RB1CC1: variants seen among roughly 807,000 people sequenced by gnomAD.
RB1CC1 encodes the protein RB1 inducible coiled-coil 1, also known as RB1-inducible coiled-coil protein 1.
In RB1CC1, 46 loss-of-function variants were observed where a neutral mutation model predicts 177.5. The observed-to-expected ratio is 0.26, with a 90% CI of 0.20 to 0.33. RB1CC1 has a LOEUF of 0.33. Among genes scored for constraint, RB1CC1 ranks in the 10% least tolerant of loss-of-function variants. The pLI is 1.00. For missense variants in RB1CC1, 1,703 were observed against 1,816.3 expected (o/e 0.94, Z 1.13); for synonymous variants, 666 against 613.6 (o/e 1.09, Z -1.26).
chr8:52,656,231 G>C lies in RB1CC1; in HGVS notation c.3598C>G (p.Gln1200Glu), dbSNP rs1156617019. 1 of 1,613,092 alleles carries C rather than the reference G, an allele frequency of 6.2e-7. No individual in the cohort carries two copies. The highest frequency in any genetic ancestry group is 1.7e-5 in the Admixed American group (1 of 59,888). Residue 1200 changes from glutamine to glutamate, a missense_variant, in exon 15 of 24, where the codon CAA (glutamine) becomes GAA (glutamate). Coordinates refer to ENST00000025008, the MANE Select transcript of RB1CC1 (RefSeq NM_014781.5). ...ATAGCTTCGTATTTCTCTTCTTGTT[G>C]GGTAATTTTTTCATCTTTTTGTCTT... ...LERQKDEKIT[Q>E]QEEKYEAIIQ...
chr8:52,682,146 T>C (rs994404838), intron 5 of RB1CC1, among the ~76,000 whole-genome samples: 2 of 152,302 alleles, frequency 1.3e-5, no homozygotes, highest in Admixed American at 1.3e-4. Flanking sequence ...CCCAAGTCCA[T>C]GGGAACCCAC....
intron 16 of RB1CC1, chr8:52,643,217 T>C (rs911317536): frequency 2.6e-5 from 4 of 155,818 alleles, no homozygotes; most frequent in African/African-American, 9.6e-5. Flanking sequence ...CTATCTTCCT[T>C]ATTTCTCTTA....
intron 1 of RB1CC1, among the ~76,000 whole-genome samples, chr8:52,698,034 GAC>G (rs776677801): frequency 3.3e-5 from 5 of 152,080 alleles, no homozygotes; most frequent in Non-Finnish European, 7.4e-5. Flanking sequence ...CATATTTTAA[GAC>G]AGGATTTAAA....
At chr8:52,637,667 A>C (rs1414827712) in intron 18 of RB1CC1, among the ~76,000 whole-genome samples, 1 of 151,614 alleles carries the variant, frequency 6.6e-6, no homozygotes, top group Non-Finnish European at 1.5e-5. Flanking sequence ...GCATTTATTT[A>C]TTTATTTATT....
At chr8:52,668,266 T>C (rs951244592) in intron 7 of RB1CC1, 75 bp from the exon 8 acceptor site, 15 of 1,505,368 alleles carry the variant, frequency 1.0e-5, no homozygotes, top group African/African-American at 4.1e-5. Flanking sequence ...TATTCTGACA[T>C]ACAGCTTGAG....
intron 16 of RB1CC1, 68 bp from the exon 17 acceptor site, chr8:52,642,880 C>G: frequency 1.5e-6 from 2 of 1,375,370 alleles, no homozygotes; most frequent in Admixed American, 3.4e-5. Flanking sequence ...AGAAAATACA[C>G]TTGCAAATAT....
chr8:52,658,797 T>G, intron 13 of RB1CC1, 76 bp downstream of exon 13: 1 of 994,918 alleles, frequency 1.0e-6, no homozygotes, highest in South Asian at 1.8e-5. Flanking sequence ...AGATTACTGG[T>G]ACTACCTGGC....
chr8:52,693,044 A>G (rs1301277263), intron 1 of RB1CC1, among the ~76,000 whole-genome samples: 1 of 152,214 alleles, frequency 6.6e-6, no homozygotes, highest in Non-Finnish European at 1.5e-5. Flanking sequence ...TATTTAATAA[A>G]CGGTGCTTGG....
chr8:52,624,566 T>C lies in RB1CC1; in HGVS notation c.4707+151A>G, dbSNP rs1848249980. 2.2e-5 allele frequency: 14 copies of C among 628,760 alleles called. No individual in the cohort carries two copies. In the South Asian group the frequency reaches 2.8e-4, roughly 13 times the overall value. The allele number at this position is 628,760 out of a possible 1,614,324, so 38.9% of individuals were successfully genotyped here. ...TAAGGGCAGCATGAATACTTATAAA[T>C]TGCCAGTTCAAACTCACTCTCATTA... On this transcript the variant is annotated intron_variant, in intron 23 of 23. Transcript: ENST00000025008.
chr8:52,699,191 A>G (rs1252715697), intron 1 of RB1CC1, among the ~76,000 whole-genome samples: 1 of 152,198 alleles, frequency 6.6e-6, no homozygotes, highest in South Asian at 2.1e-4. Context: ...AAAACAACTG[A>G]CTGCAGAGGA....
intron 1 of RB1CC1, among the ~76,000 whole-genome samples, chr8:52,712,496 C>A (rs1384368304): frequency 0.025 from 2,475 of 98,850 alleles, no homozygotes; most frequent in East Asian, 0.056. Flanking sequence ...CAGCAAGAGC[C>A]AAAAAAAAAA....
chr8:52,691,657 T>G (rs1482466254), intron 1 of RB1CC1, among the ~76,000 whole-genome samples: 1 of 152,214 alleles, frequency 6.6e-6, no homozygotes, highest in Non-Finnish European at 1.5e-5. Context: ...TCATCCATTG[T>G]GTATAGTCCT....
At chr8:52,623,881 G>C (rs1308791377) in intron 23 of RB1CC1, 22 bp from the exon 24 acceptor site, 3 of 1,512,338 alleles carry the variant, frequency 2.0e-6, no homozygotes, top group Admixed American at 1.7e-5. Context: ...AGAAAAAATG[G>C]AATCACTAGA....
In RB1CC1 at chr8:52,622,603, AAG is replaced by A. The variant is rs1228025420; in HGVS notation, c.*1177_*1178del. On this transcript the variant is annotated 3_prime_UTR_variant, in exon 24 of 24. Coordinates refer to ENST00000025008, the MANE Select transcript of RB1CC1 (RefSeq NM_014781.5). Reference sequence around the variant, plus strand: ...TGAAGAAATTAAATATTTTCTGAAAAAGAATTATTTTATTATTGTTCTCTAGC... The same window carrying A: ...TGAAGAAATTAAATATTTTCTGAAAAAATTATTTTATTATTGTTCTCTAGC... 1 of 152,004 alleles carries A rather than the reference AAG, an allele frequency of 6.6e-6. No homozygotes were observed. The highest frequency in any genetic ancestry group is 1.5e-5 in the Non-Finnish European group (1 of 67,576). 9.4% of individuals were successfully genotyped at this position (152,004 alleles called of 1,614,324 possible).
Position 52,673,864 on chromosome 8 carries a change from C to T in RB1CC1, c.983G>A (p.Cys328Tyr). 6.2e-7 allele frequency: 1 copy of T among 1,610,128 alleles called. No homozygotes were observed. Among genetic ancestry groups the T allele is most frequent in the Non-Finnish European group, 8.5e-7 (1 of 1,177,022 alleles). The change falls in exon 7 of 24, where the codon TGC (cysteine) becomes TAC (tyrosine). Residue 328 changes from cysteine (C) to tyrosine (Y), a missense_variant. Cys to Tyr is a radical substitution (Grantham distance 194). Around this residue, in one of 6 missense-constraint regions of RB1CC1, gnomAD observed 315 missense variants for 304.9 expected, o/e 1.03. Transcript: ENST00000025008. ...ACTTACCCTGCTCATAGAATCAAAG[C>T]ACTTCCTGACCAAAGATTCCACATC... ...PNDVESLVRK[C>Y]FDSMSRLDPR...
rs756300926 is a variant in RB1CC1, at chr8:52,683,927, A to G, written c.158T>C (p.Met53Thr). The change falls in exon 4 of 24, where the codon ATG becomes ACG. Residue 53 changes from methionine to threonine, a missense_variant. Physicochemically the swap from Met to Thr is moderately conservative, Grantham distance 81. Transcript: ENST00000025008. ...QVLVVNGGEC[M>T]AADRRVCTYS... is the part of the protein sequence containing the mutation. ...GGTACACACTCTTCGATCTGCAGCC[A>G]TGCATTCTCCTCCATTGACCACCAG... 2 of 1,614,138 alleles carry G rather than the reference A, an allele frequency of 1.2e-6. No individual in the cohort carries two copies. The highest frequency in any genetic ancestry group is 1.7e-5 in the Admixed American group (1 of 60,020).
At chr8:52,659,035 A>G in intron 12 of RB1CC1, 59 bp from the exon 13 acceptor site, 1 of 824,688 alleles carries the variant, frequency 1.2e-6, no homozygotes, top group Non-Finnish European at 1.8e-6. Flanking sequence ...CAGACAGCAA[A>G]TTTATATGAT....
At chr8:52,692,737 T>C (rs979262535) in intron 1 of RB1CC1, among the ~76,000 whole-genome samples, 28 of 152,202 alleles carry the variant, frequency 1.8e-4, no homozygotes, top group African/African-American at 6.5e-4. Context: ...AGCAACACTT[T>C]TTTCCCCTTG....
At chr8:52,662,830 A>G (rs996087454) in intron 8 of RB1CC1, among the ~76,000 whole-genome samples, 1 of 151,904 alleles carries the variant, frequency 6.6e-6, no homozygotes, top group Non-Finnish European at 1.5e-5. Context: ...AACTGCAACT[A>G]TAATTTTTCT....
Sources: gnomAD v4.1 joint callset for allele counts (sites outside exome capture counted in the v4.1 genomes callset) on GRCh38, gnomAD v4.1.1 for gene constraint, gnomAD v4.1.1 regional missense constraint, MANE v1.5 for transcripts, NCBI Gene and HGNC (gene_info 2026-07-23, HGNC 2026-07-21) for gene names.